Variants in GYG2 observed in about 807,000 individuals in gnomAD.
GYG2 encodes the protein glycogenin-2.
GYG2 carries 29 observed loss-of-function variants against 29.4 expected under a neutral mutation model. The observed-to-expected ratio is 0.99, with a 90% confidence interval of 0.74 to 1.35. The LOEUF is 1.35. Ranked by LOEUF, GYG2 falls within the 40% of genes most tolerant of loss-of-function variation. The pLI, the probability that GYG2 is intolerant of heterozygous loss-of-function variation, is 0.00. For synonymous variants in GYG2, 167 were observed against 172.3 expected, an observed-to-expected ratio of 0.97 and a Z score of 0.24; for missense variants, 370 against 385.7, an observed-to-expected ratio of 0.96 and a Z score of 0.34.
chrX:2,844,835 T>C (rs1045831280), intron 3 of GYG2, among the ~76,000 whole-genome samples: 1 of 108,248 alleles, frequency 9.2e-6, no homozygotes, highest in Middle Eastern at 5.1e-3. Flanking sequence ...TGTGTATATG[T>C]ACATGTATGT....
chrX:2,856,959 CTGTT>C (rs200685855), intron 6 of GYG2, among the ~76,000 whole-genome samples: 1,185 of 34,979 alleles, frequency 0.034, 15 homozygotes, highest in African/African-American at 0.13. Flanking sequence ...GCCTAGACAT[CTGTT>C]TATCTATCTA....
intron 2 of GYG2, among the ~76,000 whole-genome samples, chrX:2,830,899 T>A (rs1450023212): frequency 4.5e-5 from 5 of 112,202 alleles, no homozygotes; most frequent in Non-Finnish European, 9.4e-5. Flanking sequence ...CCAGCTTGGG[T>A]GACAGAGTGA....
At chrX:2,863,885 G>A (rs191532628) in intron 8 of GYG2, among the ~76,000 whole-genome samples, 62 of 111,457 alleles carry the variant, frequency 5.6e-4, no homozygotes, top group Non-Finnish European at 1.1e-3. Context: ...GTGCAAAACG[G>A]CTGCAATTGT....
At chrX:2,869,075 G>A (rs751229824) in intron 8 of GYG2, among the ~76,000 whole-genome samples, 30 of 109,446 alleles carry the variant, frequency 2.7e-4, no homozygotes, top group Admixed American at 3.9e-4. Context: ...CTCACCCTCC[G>A]CATCTATGGG....
chrX:2,865,603 C>T, intron 8 of GYG2, among the ~76,000 whole-genome samples: 1 of 111,368 alleles, frequency 9.0e-6, no homozygotes, highest in Non-Finnish European at 1.9e-5. Context: ...CTGAGGAAAG[C>T]TCATGGAGAG....
chrX:2,831,953 C>T (rs2087273228), intron 2 of GYG2, among the ~76,000 whole-genome samples: 1 of 112,312 alleles, frequency 8.9e-6, no homozygotes. Flanking sequence ...GCTGTTTTTC[C>T]ACTCCATGCC....
chrX:2,870,471 G>A (rs747900367), intron 8 of GYG2, among the ~76,000 whole-genome samples: 1 of 111,429 alleles, frequency 9.0e-6, no homozygotes, highest in South Asian at 3.8e-4. Flanking sequence ...CCAAAGTGCT[G>A]GCATTACAGG....
chrX:2,878,426 A>G (rs898117145), intron 10 of GYG2, among the ~76,000 whole-genome samples: 1 of 111,782 alleles, frequency 8.9e-6, no homozygotes, highest in Non-Finnish European at 1.9e-5. Flanking sequence ...CACTGCAACC[A>G]GCTAATTTTT....
intron 8 of GYG2, among the ~76,000 whole-genome samples, chrX:2,872,092 C>A (rs986365370): frequency 8.9e-6 from 1 of 111,738 alleles, no homozygotes; most frequent in African/African-American, 3.2e-5. Flanking sequence ...AGCATCTCTG[C>A]ATATCTCAGC....
intron 2 of GYG2, among the ~76,000 whole-genome samples, chrX:2,834,769 A>G (rs1361017988): frequency 1.8e-5 from 2 of 112,117 alleles, no homozygotes; most frequent in Admixed American, 1.9e-4. Context: ...CTCTAAGCAG[A>G]TGCCCTTATG....
intron 2 of GYG2, among the ~76,000 whole-genome samples, chrX:2,833,989 C>T (rs1449676595): frequency 8.9e-6 from 1 of 112,233 alleles, no homozygotes; most frequent in African/African-American, 3.2e-5. Flanking sequence ...CCTCATAAGC[C>T]TCAGGATAAT....
chrX:2,869,207 C>G (rs767370645), intron 8 of GYG2, among the ~76,000 whole-genome samples: 7 of 112,139 alleles, frequency 6.2e-5, no homozygotes, highest in Non-Finnish European at 1.3e-4. Context: ...TACGACATAG[C>G]AGGTATCAAC....
At chrX:2,834,621 C>T (rs1033901413) in intron 2 of GYG2, among the ~76,000 whole-genome samples, 11 of 111,821 alleles carry the variant, frequency 9.8e-5, no homozygotes, top group African/African-American at 2.9e-4. Context: ...AGCAGATTCT[C>T]GTGCCTGGGA....
intron 8 of GYG2, among the ~76,000 whole-genome samples, chrX:2,867,776 T>A (rs2088333485): frequency 8.9e-6 from 1 of 112,296 alleles, no homozygotes; most frequent in Non-Finnish European, 1.9e-5. Flanking sequence ...AACAAACCCA[T>A]CGTAAACTGA....
intron 7 of GYG2, among the ~76,000 whole-genome samples, chrX:2,860,828 C>A (rs1214463591): frequency 9.0e-6 from 1 of 110,506 alleles, no homozygotes; most frequent in Non-Finnish European, 1.9e-5. Context: ...CTTCTGGGTT[C>A]AAGCAATTCT....
At chrX:2,875,683 C>A in intron 8 of GYG2, 127 bp from the exon 9 acceptor site, 1 of 484,946 alleles carries the variant, frequency 2.1e-6, no homozygotes, top group Non-Finnish European at 3.6e-6. Context: ...TTGCCCCAGT[C>A]CTATCCCATA....
chrX:2,830,218 G>C, intron 2 of GYG2, 23 bp downstream of exon 2: 1 of 1,183,265 alleles, frequency 8.5e-7, no homozygotes, highest in Non-Finnish European at 1.2e-6. Context: ...AGCTGCTTCA[G>C]TTCAGCCTGC....
intron 8 of GYG2, among the ~76,000 whole-genome samples, chrX:2,865,399 C>T (rs2088272951): frequency 8.9e-6 from 1 of 111,874 alleles, no homozygotes; most frequent in East Asian, 2.8e-4. Context: ...ATATTAATCT[C>T]GATGGAATTG....
In GYG2 at chrX:2,861,647, T is replaced by C. The variant is rs770665325; in HGVS notation, c.963T>C (p.Pro321=). The C allele has an allele frequency of 8.3e-7, 1 of 1,205,665 alleles. No individual in the cohort carries two copies. Among genetic ancestry groups the C allele is most frequent in the East Asian group, 3.0e-5 (1 of 33,593 alleles). ...CANSPLGSNQ[P]AQGLPEPTQI... ...ATTCACCACTGGGTTCTAACCAGCC[T>C]GCTCAGGGCCTTCCGGAGCCGACCC... The change falls in exon 8 of 11, where the codon CCT becomes CCC. Residue 321 remains proline, a synonymous_variant. Coordinates refer to ENST00000398806, the MANE Select transcript of GYG2 (RefSeq NM_001079855.2).
Sources: gnomAD v4.1 joint callset for allele counts (sites outside exome capture counted in the v4.1 genomes callset) on GRCh38, gnomAD v4.1.1 for gene constraint, MANE v1.5 for transcripts, NCBI Gene and HGNC (gene_info 2026-07-23, HGNC 2026-07-21) for gene names.